ENTREP3: variants seen among roughly 807,000 people sequenced by gnomAD.
ENTREP3 encodes protein ENTREP3.
At chr1:155,251,439 T>C in the ENTREP3 span, 1 of 1,192,780 alleles carries the variant, frequency 8.4e-7, no homozygotes. Flanking sequence ...GGCTACAGCC[T>C]GTTCAGCTTT....
At chr1:155,254,376 T>C in the ENTREP3 span, 1 of 1,613,244 alleles carries the variant, frequency 6.2e-7, no homozygotes. The surrounding 1 kb of genome is among the most constrained non-coding windows in gnomAD (Gnocchi z 4.4). Flanking sequence ...TGCCTCCCAG[T>C]GGGCACTGGA....
chr1:155,248,138 C>T, the ENTREP3 span: 3 of 1,614,128 alleles, frequency 1.9e-6, no homozygotes, highest in Non-Finnish European at 2.5e-6. Flanking sequence ...CCGACCTGGC[C>T]AGCTGCCCTT....
the ENTREP3 span, chr1:155,254,464 C>CA: frequency 6.2e-7 from 1 of 1,614,070 alleles, no homozygotes; most frequent in African/African-American, 1.3e-5. The surrounding 1 kb of genome is among the most constrained non-coding windows in gnomAD (Gnocchi z 4.4). Flanking sequence ...CAGCTGGGGA[C>CA]AGAGTGGGCA....
chr1:155,254,296 C>T, the ENTREP3 span: 3 of 1,500,816 alleles, frequency 2.0e-6, no homozygotes, highest in Non-Finnish European at 2.8e-6. The surrounding 1 kb of genome is among the most constrained non-coding windows in gnomAD (Gnocchi z 4.4). Flanking sequence ...GCCCACCCGG[C>T]TGGCACCAAC....
At chr1:155,247,532 C>T in the ENTREP3 span, 1 of 702,980 alleles carries the variant, frequency 1.4e-6, no homozygotes, top group Non-Finnish European at 2.6e-6. Flanking sequence ...TTTTCCTCCT[C>T]CAGTGCTATA....
At chr1:155,247,328 A>T in the ENTREP3 span, 4 of 463,802 alleles carry the variant, frequency 8.6e-6, no homozygotes, top group South Asian at 6.2e-5. Context: ...TAGCTTGCCC[A>T]AGGTCATGCA....
chr1:155,254,216 C>T, the ENTREP3 span: 4 of 1,593,016 alleles, frequency 2.5e-6, no homozygotes, highest in African/African-American at 5.4e-5. This position sits in a 1 kb window ranked among gnomAD's most constrained non-coding sequence, Gnocchi z 4.4. Flanking sequence ...AGGGTGCAGA[C>T]TCAGGGCTGG....
At chr1:155,248,294 G>A in the ENTREP3 span, 1 of 1,605,602 alleles carries the variant, frequency 6.2e-7, no homozygotes, top group Non-Finnish European at 8.5e-7. Context: ...GCAGGCTTCA[G>A]AGCAGAGCCC....
At chr1:155,250,374 G>C in the ENTREP3 span, 1 of 1,543,222 alleles carries the variant, frequency 6.5e-7, no homozygotes, top group Non-Finnish European at 8.7e-7. This position sits in a 1 kb window ranked among gnomAD's most constrained non-coding sequence, Gnocchi z 5.4. Context: ...CCCCGGTGGG[G>C]TGAGGGAACC....
At chr1:155,251,486 C>T in the ENTREP3 span, 125 of 1,598,786 alleles carry the variant, frequency 7.8e-5, 1 homozygote, top group South Asian at 6.7e-4. Flanking sequence ...CGCCCCAAGC[C>T]GTGCTGTGCT....
the ENTREP3 span, chr1:155,253,446 TCC>T: frequency 3.4e-6 from 2 of 592,670 alleles, no homozygotes; most frequent in Non-Finnish European, 6.0e-6. Context: ...CCCTGCCATC[TCC>T]CCTTCTCATC....
chr1:155,254,764 C>A, the ENTREP3 span: 28 of 1,613,814 alleles, frequency 1.7e-5, no homozygotes, highest in Admixed American at 3.3e-5. The surrounding 1 kb of genome is among the most constrained non-coding windows in gnomAD (Gnocchi z 4.4). Flanking sequence ...CTTGGACCAG[C>A]CCCAGCGTAA....
the ENTREP3 span, chr1:155,253,442 C>A: frequency 1.7e-6 from 1 of 592,182 alleles, no homozygotes. Context: ...CACTCCCTGC[C>A]ATCTCCCCTT....
the ENTREP3 span, chr1:155,251,229 G>A: frequency 7.6e-7 from 1 of 1,309,338 alleles, no homozygotes; most frequent in Non-Finnish European, 1.0e-6. Flanking sequence ...GCTAGACAGA[G>A]CTCTGGAGAC....
the ENTREP3 span, chr1:155,247,964 G>C: frequency 1.9e-6 from 3 of 1,606,506 alleles, no homozygotes; most frequent in Non-Finnish European, 8.5e-7. Flanking sequence ...ACCTGGACAG[G>C]GACACAAGAA....
the ENTREP3 span, chr1:155,251,425 C>T: frequency 9.5e-7 from 1 of 1,050,490 alleles, no homozygotes; most frequent in Admixed American, 2.2e-5. Context: ...TATCTTTATC[C>T]AGAGGCTACA....
the ENTREP3 span, chr1:155,247,684 CT>C: frequency 8.3e-7 from 1 of 1,206,712 alleles, no homozygotes; most frequent in Non-Finnish European, 1.2e-6. Context: ...CAGCAGGTTT[CT>C]TTTTGTGCCA....
At chr1:155,248,219 C>T in the ENTREP3 span, 10 of 1,607,992 alleles carry the variant, frequency 6.2e-6, no homozygotes, top group South Asian at 2.2e-5. Context: ...GGGCACAGGG[C>T]GCCGTTTCTC....
the ENTREP3 span, chr1:155,247,409 G>A: frequency 1.9e-6 from 1 of 523,224 alleles, no homozygotes; most frequent in Non-Finnish European, 3.7e-6. Context: ...CCACCCCATT[G>A]CATAGGCACA....
Sources: gnomAD v4.1 joint callset for allele counts on GRCh38, gnomAD v4.1.1 for gene constraint, Gnocchi (gnomAD v3.1) non-coding constraint, MANE v1.5 for transcripts, NCBI Gene and HGNC (gene_info 2026-07-23, HGNC 2026-07-21) for gene names.